The following EMB variants were observed in gnomAD, a reference collection of about 807,000 sequenced individuals.
The protein encoded by EMB is embigin.
A neutral mutation model predicts 41.4 loss-of-function variants in EMB; 31 were observed. That is an observed-to-expected ratio of 0.75 (90% CI 0.56 to 1.01). The LOEUF (loss-of-function observed/expected upper bound fraction) is 1.01. Ranked by LOEUF, EMB falls within the 50% of genes least tolerant of loss-of-function variation. The pLI, the probability that EMB is intolerant of heterozygous loss-of-function variation, is 0.00. For missense variants in EMB, 379 were observed against 388.3 expected (o/e 0.98, Z 0.20); for synonymous variants, 137 against 140.4 (o/e 0.98, Z 0.17).
chr5:50,403,448 C>A lies in EMB; in HGVS notation c.607G>T (p.Val203Phe), dbSNP rs779247799. The A allele has an allele frequency of 1.2e-6, 2 of 1,611,866 alleles. No individual in the cohort carries two copies. Among genetic ancestry groups the A allele is most frequent in the Non-Finnish European group, 8.5e-7 (1 of 1,178,634 alleles). The stretch of plus-strand genomic sequence containing the variant: ...ACATATTTATTCATTTGAACACCAA[C>A]AGGAACCTAATATGAGGAGACATTA... ...YSSNGSVKVP[V>F]GVQMNKYVIN... The change falls in exon 6 of 9, where the codon GTT becomes TTT. Residue 203 changes from valine (V) to phenylalanine (F), a missense_variant. Physicochemically the swap from Val to Phe is conservative, Grantham distance 50 (BLOSUM62 -1). Transcript: ENST00000303221.
chr5:50,407,458 A>G (rs995807597), intron 4 of EMB, among the ~76,000 whole-genome samples: 3 of 152,084 alleles, frequency 2.0e-5, no homozygotes, highest in Admixed American at 1.3e-4. Context: ...AATTGCAGGT[A>G]GCTGACAATG....
At chr5:50,429,637 G>A (rs1477369480) in intron 1 of EMB, among the ~76,000 whole-genome samples, 3 of 151,994 alleles carry the variant, frequency 2.0e-5, no homozygotes, top group African/African-American at 7.3e-5. Flanking sequence ...GTATACCTAC[G>A]TAACAAACCT....
Position 50,428,239 on chromosome 5 carries a change from A to C in EMB, c.113-12T>G. ...TGTAAAAGGCGAATCTATAAGAGAA[A>C]GAACACATGATTACACACTCTTATC... is the stretch of plus-strand genomic sequence containing the variant. On this transcript the variant is annotated splice_polypyrimidine_tract_variant and intron_variant, in intron 1 of 8. Transcript: ENST00000303221. 6.4e-7 allele frequency: 1 copy of C among 1,572,708 alleles called. No homozygotes were observed. The highest frequency in any genetic ancestry group is 2.2e-5 in the East Asian group (1 of 44,650).
rs115463422 is a variant in EMB at position 50,428,745 on chromosome 5, G to T, written c.113-518C>A. 2.6e-3 allele frequency: 2,594 copies of T among 985,222 alleles called. 59 individuals carry two copies. The African/African-American group carries it at 0.043, about 16-fold the overall frequency. 61.0% of individuals were successfully genotyped at this position (985,222 alleles called of 1,614,324 possible). On this transcript the variant is annotated intron_variant, in intron 1 of 8. Transcript: ENST00000303221. ...TGTTTTCTAGCTACGGTTACCAAGA[G>T]GCATGCCCTCTAACACCTGACTTTC... is the stretch of plus-strand genomic sequence containing the variant.
At chr5:50,420,016 T>C (rs1391898870) in intron 2 of EMB, among the ~76,000 whole-genome samples, 14 of 134,624 alleles carry the variant, frequency 1.0e-4, no homozygotes, top group Non-Finnish European at 2.1e-4. Flanking sequence ...ACAACACACA[T>C]AGGGGCTTGT....
At chr5:50,433,242 T>C (rs1207688876) in intron 1 of EMB, among the ~76,000 whole-genome samples, 1 of 152,308 alleles carries the variant, frequency 6.6e-6, no homozygotes, top group Non-Finnish European at 1.5e-5. Flanking sequence ...GACAAGGTTT[T>C]TTTTTTAAGG....
chr5:50,412,942 A>G (rs1745367383), intron 2 of EMB, among the ~76,000 whole-genome samples: 2 of 54,924 alleles, frequency 3.6e-5, no homozygotes, highest in South Asian at 1.1e-3. Flanking sequence ...ACTGGTGTAA[A>G]AAAAAAAAGG....
chr5:50,439,580 G>A (rs948102553), intron 1 of EMB, among the ~76,000 whole-genome samples: 5 of 151,194 alleles, frequency 3.3e-5, no homozygotes, highest in African/African-American at 1.2e-4. Flanking sequence ...TCCCACCTCA[G>A]CGCCCAAAAG....
chr5:50,416,032 C>T (rs897372920), intron 2 of EMB, among the ~76,000 whole-genome samples: 1 of 152,186 alleles, frequency 6.6e-6, no homozygotes, highest in African/African-American at 2.4e-5. Context: ...TCACTGTTTC[C>T]TATAATACTT....
chr5:50,428,150 G>A lies in EMB; in HGVS notation c.190C>T (p.Leu64=), dbSNP rs1414957020. 2 of 1,599,872 alleles carry A rather than the reference G, an allele frequency of 1.3e-6. No homozygotes were observed. Among genetic ancestry groups the A allele is most frequent in the Non-Finnish European group, 1.7e-6 (2 of 1,170,024 alleles). Residue 64 remains leucine, a synonymous_variant, in exon 2 of 9, where the codon CTG becomes TTG. Coordinates refer to ENST00000303221, the MANE Select transcript of EMB (RefSeq NM_198449.3). Reference sequence around the variant, plus strand: ...TGAAACATGATACATTTACCAGTCAGTGATATGTTATGACTCTCCAAGGAA... The same window carrying A: ...TGAAACATGATACATTTACCAGTCAATGATATGTTATGACTCTCCAAGGAA... ...NFSLESHNIS[L]TEHSSMPVEK...
intron 1 of EMB, among the ~76,000 whole-genome samples, chr5:50,437,356 G>T (rs1745821138): frequency 6.6e-6 from 1 of 152,106 alleles, no homozygotes; most frequent in Admixed American, 6.5e-5. Flanking sequence ...TTTGGTCTTT[G>T]ATCATTTGAT....
At chr5:50,417,731 T>C (rs924826043) in intron 2 of EMB, among the ~76,000 whole-genome samples, 2 of 152,240 alleles carry the variant, frequency 1.3e-5, no homozygotes, top group Admixed American at 6.5e-5. Context: ...GCTGGTGTTA[T>C]ATGAGCTGAG....
rs1375880992 is a variant in EMB, at chr5:50,441,030, C to T, written c.112+10G>A. ...CGCCCTCCCTACCCTGGACCCTGTA[C>T]CCATCACACCTGGGGCACTGCCGTC... On this transcript the variant is annotated intron_variant, in intron 1 of 8. Coordinates refer to ENST00000303221, the MANE Select transcript of EMB (RefSeq NM_198449.3). 6.1e-6 allele frequency: 9 copies of T among 1,478,590 alleles called. No individual in the cohort carries two copies. The African/African-American group carries it at 1.3e-4, about 22-fold the overall frequency. 91.6% of individuals were successfully genotyped at this position (1,478,590 alleles called of 1,614,324 possible). A position where few individuals can be genotyped will look rare whatever the true frequency, so the allele number is the denominator to read the frequency against.
In EMB at chr5:50,399,370, C is replaced by A; in HGVS notation, c.967-80G>T. On this transcript the variant is annotated intron_variant, in intron 8 of 8. Coordinates refer to ENST00000303221, the MANE Select transcript of EMB (RefSeq NM_198449.3). ...GTAACTTACTATCACTTTAGCAAAG[C>A]AAAAAATACTGGGAAGTGAGGGATC... 5 of 1,563,532 alleles carry A rather than the reference C, an allele frequency of 3.2e-6. No individual in the cohort carries two copies. In the Admixed American group the frequency reaches 5.6e-5, roughly 17 times the overall value.
intron 5 of EMB, among the ~76,000 whole-genome samples, chr5:50,403,687 G>A (rs1698737542): frequency 6.6e-6 from 1 of 151,896 alleles, no homozygotes; most frequent in South Asian, 2.1e-4. Context: ...AGCAGTGAAT[G>A]TTTAAAACTA....
chr5:50,411,107 G>A lies in EMB; in HGVS notation c.383+90C>T. ...TAGAATATTAGCATAACATTCAAGT[G>A]GCTGCAGAGGAAAGAATGCTCAGTC... On this transcript the variant is annotated intron_variant, in intron 3 of 8. Transcript: ENST00000303221. 17 of 1,236,474 alleles carry A rather than the reference G, an allele frequency of 1.4e-5. 1 individual carries two copies. Among genetic ancestry groups the A allele is most frequent in the Non-Finnish European group, 1.7e-5 (15 of 886,466 alleles). 76.6% of individuals were successfully genotyped at this position (1,236,474 alleles called of 1,614,324 possible). A position where few individuals can be genotyped will look rare whatever the true frequency, so the allele number is the denominator to read the frequency against.
intron 7 of EMB, among the ~76,000 whole-genome samples, 165 bp from the exon 8 acceptor site, chr5:50,400,078 A>G (rs1270014591): frequency 6.6e-6 from 1 of 152,024 alleles, no homozygotes; most frequent in Admixed American, 6.6e-5. Flanking sequence ...ATTTTATGGC[A>G]TTGCTTGAAG....
chr5:50,406,238 C>T (rs1022749035), intron 4 of EMB, among the ~76,000 whole-genome samples: 1 of 151,700 alleles, frequency 6.6e-6, no homozygotes, highest in African/African-American at 2.4e-5. Context: ...CCTCAGGTAG[C>T]ATTTGAGTGA....
intron 5 of EMB, 88 bp downstream of exon 5, chr5:50,405,637 G>A: frequency 6.8e-7 from 1 of 1,466,326 alleles, no homozygotes; most frequent in African/African-American, 1.4e-5. Flanking sequence ...AATCATCTTA[G>A]GAATGCTGAG....
Sources: gnomAD v4.1 joint callset for allele counts (sites outside exome capture counted in the v4.1 genomes callset) on GRCh38, gnomAD v4.1.1 for gene constraint, MANE v1.5 for transcripts, NCBI Gene and HGNC (gene_info 2026-07-23, HGNC 2026-07-21) for gene names.